GRIA1: variants seen among roughly 807,000 people sequenced by gnomAD.
GRIA1 encodes glutamate receptor 1.
In GRIA1, 31 loss-of-function variants were observed where a neutral mutation model predicts 99.2. The ratio of observed to expected loss-of-function variants is 0.31; its 90% CI spans 0.23 to 0.42. The LOEUF (loss-of-function observed/expected upper bound fraction) is 0.42, where lower values mean the gene tolerates loss of function less well. Among genes scored for constraint, GRIA1 ranks in the 10% least tolerant of loss-of-function variants. The probability of loss-of-function intolerance (pLI) is 1.00; values close to 1 mark genes in which losing one functional copy is unlikely to be tolerated. For synonymous variants in GRIA1, 438 were observed against 432.4 expected, an observed-to-expected ratio of 1.01 and a Z score of -0.16; for missense variants, 782 against 1,157.5, an observed-to-expected ratio of 0.68 and a Z score of 4.71.
chr5:153,578,044 G>C (rs1425487227), intron 2 of GRIA1, among the ~76,000 whole-genome samples: 4 of 150,798 alleles, frequency 2.7e-5, no homozygotes, highest in East Asian at 2.0e-4. Flanking sequence ...CTAGCTACTC[G>C]GGAGGCTGAG....
At chr5:153,796,625 T>C (rs968764544) in intron 14 of GRIA1, among the ~76,000 whole-genome samples, 26 of 152,158 alleles carry the variant, frequency 1.7e-4, no homozygotes, top group African/African-American at 6.0e-4. Flanking sequence ...ACATCCTCAC[T>C]TTGTAGTCAA....
At chr5:153,524,697 A>G (rs1757446674) in intron 2 of GRIA1, among the ~76,000 whole-genome samples, 1 of 152,200 alleles carries the variant, frequency 6.6e-6, no homozygotes, top group Non-Finnish European at 1.5e-5. Context: ...GGCTTCTCTA[A>G]TAACACTTGA....
At chr5:153,568,749 T>A (rs969131529) in intron 2 of GRIA1, among the ~76,000 whole-genome samples, 1 of 152,192 alleles carries the variant, frequency 6.6e-6, no homozygotes, top group Non-Finnish European at 1.5e-5. Flanking sequence ...CCTTCCTCCC[T>A]TCATGCCCTT....
intron 2 of GRIA1, among the ~76,000 whole-genome samples, chr5:153,586,620 C>T (rs114450896): frequency 0.025 from 3,862 of 152,200 alleles, 64 homozygotes; most frequent in Non-Finnish European, 0.039. Context: ...CAAATATGTA[C>T]GTAATATACA....
At chr5:153,706,255 G>A in intron 11 of GRIA1, 188 bp downstream of exon 11, 1 of 624,298 alleles carries the variant, frequency 1.6e-6, no homozygotes, top group Non-Finnish European at 2.8e-6. Context: ...TCCTGTAGCT[G>A]GGCCATCTCT....
intron 14 of GRIA1, among the ~76,000 whole-genome samples, chr5:153,801,884 G>A (rs1002049950): frequency 8.3e-6 from 1 of 120,066 alleles, no homozygotes; most frequent in Non-Finnish European, 1.6e-5. Context: ...CCAACTCTCA[G>A]AAAAATGCTC....
chr5:153,506,304 G>A (rs1361345167), intron 2 of GRIA1, among the ~76,000 whole-genome samples: 1 of 141,366 alleles, frequency 7.1e-6, no homozygotes, highest in Non-Finnish European at 1.5e-5. Flanking sequence ...TGCTTATTAG[G>A]ATGGCAAGAA....
intron 8 of GRIA1, among the ~76,000 whole-genome samples, chr5:153,696,436 C>G (rs1758110329): frequency 6.6e-6 from 1 of 152,190 alleles, no homozygotes; most frequent in Admixed American, 6.5e-5. Context: ...CACTTTGCAG[C>G]TACTTCACCT....
intron 11 of GRIA1, among the ~76,000 whole-genome samples, chr5:153,730,767 C>A (rs532418825): frequency 2.0e-5 from 3 of 152,096 alleles, no homozygotes; most frequent in Non-Finnish European, 2.9e-5. Flanking sequence ...GACTTCATAA[C>A]GTCCCGGACT....
At chr5:153,614,709 TTGA>T (rs1766316064) in intron 2 of GRIA1, among the ~76,000 whole-genome samples, 2 of 152,226 alleles carry the variant, frequency 1.3e-5, no homozygotes, top group South Asian at 4.1e-4. Flanking sequence ...AATTGTTTGA[TTGA>T]TAAGCCATTT....
Position 153,802,432 on chromosome 5 carries a change from T to C in GRIA1, c.2462T>C (p.Met821Thr). ...YILIGGLGLA[M>T]LVALIEFCYK... ...CTGATCGGAGGACTTGGACTAGCCA[T>C]GCTGGTTGCCTTAATCGAGTTCTGC... The change falls in exon 15 of 16, where the codon ATG becomes ACG. Residue 821 changes from methionine to threonine, a missense_variant. Coordinates refer to ENST00000285900, the MANE Select transcript of GRIA1 (RefSeq NM_000827.4). The C allele has an allele frequency of 6.8e-6, 11 of 1,613,978 alleles. No homozygotes were observed. Among genetic ancestry groups the C allele is most frequent in the Non-Finnish European group, 9.3e-6 (11 of 1,179,904 alleles).
intron 2 of GRIA1, among the ~76,000 whole-genome samples, chr5:153,623,843 T>G (rs1767306905): frequency 6.6e-6 from 1 of 152,208 alleles, no homozygotes; most frequent in South Asian, 2.1e-4. Flanking sequence ...AAGGCAATGA[T>G]GATAATAAAT....
At chr5:153,545,295 AGAG>A (rs1409622323) in intron 2 of GRIA1, among the ~76,000 whole-genome samples, 1 of 152,160 alleles carries the variant, frequency 6.6e-6, no homozygotes. Flanking sequence ...GGGTTTTGCC[AGAG>A]GTTGTAGAAA....
chr5:153,591,864 A>G (rs1044828010), intron 2 of GRIA1, among the ~76,000 whole-genome samples: 4 of 152,254 alleles, frequency 2.6e-5, no homozygotes, highest in Non-Finnish European at 4.4e-5. Flanking sequence ...GCAACATGAA[A>G]GCAAAAGTCC....
intron 11 of GRIA1, among the ~76,000 whole-genome samples, chr5:153,742,397 A>G (rs576656067): frequency 2.0e-4 from 31 of 152,300 alleles, no homozygotes; most frequent in African/African-American, 7.5e-4. Context: ...TTCATTTTCC[A>G]TCACTGCCAT....
chr5:153,651,640 GGACAGCTA>G (rs1449712498), intron 4 of GRIA1, among the ~76,000 whole-genome samples: 1 of 152,138 alleles, frequency 6.6e-6, no homozygotes, highest in Non-Finnish European at 1.5e-5. Flanking sequence ...CTTGGTACTA[GGACAGCTA>G]TTACTCAGAG....
At chr5:153,493,769 G>A (rs1203962406) in intron 1 of GRIA1, among the ~76,000 whole-genome samples, 159 bp from the exon 2 acceptor site, 1 of 152,170 alleles carries the variant, frequency 6.6e-6, no homozygotes, top group Non-Finnish European at 1.5e-5. Context: ...TTAAGTTTCA[G>A]TGTCCAGTTA....
chr5:153,717,016 G>A (rs779209971), intron 11 of GRIA1, among the ~76,000 whole-genome samples: 2 of 152,162 alleles, frequency 1.3e-5, no homozygotes, highest in African/African-American at 2.4e-5. Context: ...AACAGGAAGC[G>A]GCTGTTGAGG....
At position 153,778,468 on chromosome 5, in the gene GRIA1, C is replaced by A. The variant is rs74766888; in HGVS notation, c.2270+8053C>A. Among the ~76,000 whole-genome samples the A allele has an allele frequency of 3.8e-3, 571 of 152,086 alleles. 8 individuals are homozygous for A. In the South Asian group the frequency reaches 0.057, roughly 15 times the overall value. ...ACTCCTAAGAAGTGATGTGCATTAT[C>A]CTATTTAATCCTAACAACACCGTGG... On this transcript the variant is annotated intron_variant, in intron 13 of 15. Transcript: ENST00000285900.
Sources: allele counts gnomAD v4.1 joint callset (sites outside exome capture counted in the v4.1 genomes callset), GRCh38; gene constraint gnomAD v4.1.1; transcripts MANE v1.5; gene names NCBI Gene and HGNC (gene_info 2026-07-23, HGNC 2026-07-21).